Variants in MTMR1 observed in about 807,000 individuals in gnomAD.
The protein encoded by MTMR1 is phosphatidylinositol-3-phosphate phosphatase MTMR1.
Under a neutral mutation model 51.6 loss-of-function variants are expected in MTMR1, and 17 were observed. That is an observed-to-expected ratio of 0.33 (90% confidence interval 0.23 to 0.49). The LOEUF (loss-of-function observed/expected upper bound fraction) is 0.49, where lower values mean the gene tolerates loss of function less well. Among genes scored for constraint, MTMR1 ranks in the 20% least tolerant of loss-of-function variants. MTMR1 has a pLI of 0.99. For missense variants in MTMR1, 386 were observed against 526.9 expected, an observed-to-expected ratio of 0.73 and a Z score of 2.62; for synonymous variants, 201 against 205.6, an observed-to-expected ratio of 0.98 and a Z score of 0.19.
chrX:150,730,653 C>T (rs782339789), intron 8 of MTMR1, 45 bp downstream of exon 8: 14 of 817,488 alleles, frequency 1.7e-5, no homozygotes, highest in Non-Finnish European at 2.4e-5. Context: ...GGTTGAGCAT[C>T]TTTTTCTCTT....
intron 12 of MTMR1, among the ~76,000 whole-genome samples, chrX:150,738,955 G>C (rs924267249): frequency 1.8e-5 from 2 of 112,235 alleles, no homozygotes; most frequent in Admixed American, 1.9e-4. Context: ...AGCTACTTCT[G>C]GTCTGTCTAG....
chrX:150,698,682 A>G (rs1422083749), intron 1 of MTMR1, among the ~76,000 whole-genome samples: 104 of 57,218 alleles, frequency 1.8e-3, no homozygotes, highest in East Asian at 5.2e-3. Context: ...ACGCGCGCGC[A>G]CACACACACA....
rs139555371 is a variant in MTMR1 at position 150,757,223 on chromosome X, A to G, written c.1857+1358A>G. On this transcript the variant is annotated intron_variant, in intron 15 of 15. Coordinates refer to ENST00000445323, the MANE Select transcript of MTMR1 (RefSeq NM_001306144.3). ...AACCTCAAGGATACGTCACTATAGT[A>G]CCCCGGCCTGCCAGCTGGAAAGCTC... 1.9e-4 allele frequency among the ~76,000 whole-genome samples: 21 copies of G among 111,809 alleles called. No homozygotes were observed. The East Asian group carries it at 5.7e-3, about 30-fold the overall frequency.
At chrX:150,756,590 G>A (rs1209296419) in intron 15 of MTMR1, among the ~76,000 whole-genome samples, 2 of 112,095 alleles carry the variant, frequency 1.8e-5, no homozygotes, top group African/African-American at 3.2e-5. Context: ...TGGTGAAGAA[G>A]ACAGATAGAG....
chrX:150,756,340 TG>T (rs2042902774), intron 15 of MTMR1, among the ~76,000 whole-genome samples: 1 of 111,734 alleles, frequency 8.9e-6, no homozygotes, highest in South Asian at 3.7e-4. Context: ...GGGGAGAGTT[TG>T]CCCCTCCCCA....
intron 15 of MTMR1, among the ~76,000 whole-genome samples, chrX:150,761,592 T>C (rs1203078088): frequency 8.9e-6 from 1 of 112,877 alleles, no homozygotes; most frequent in Non-Finnish European, 1.9e-5. Flanking sequence ...GCCAGTCACA[T>C]GGCCTGGCTG....
intron 14 of MTMR1, among the ~76,000 whole-genome samples, chrX:150,754,406 G>C (rs2042842382): frequency 8.9e-6 from 1 of 112,867 alleles, no homozygotes; most frequent in African/African-American, 3.2e-5. Context: ...CTCATGGGAA[G>C]TCAGCAGCAG....
At chrX:150,731,855 C>A (rs1603256226) in intron 9 of MTMR1, among the ~76,000 whole-genome samples, 1 of 112,071 alleles carries the variant, frequency 8.9e-6, no homozygotes, top group African/African-American at 3.2e-5. Flanking sequence ...TTCAGTCATA[C>A]CCTCAAAAAG....
At chrX:150,731,044 T>G (rs2062041223) in intron 8 of MTMR1, among the ~76,000 whole-genome samples, 1 of 112,250 alleles carries the variant, frequency 8.9e-6, no homozygotes, top group East Asian at 2.8e-4. Context: ...AGATCTTATT[T>G]TCATGACGTT....
intron 3 of MTMR1, chrX:150,712,877 T>TGG: frequency 1.3e-6 from 1 of 767,513 alleles, no homozygotes; most frequent in African/African-American, 2.3e-5. Flanking sequence ...GTTACTATTT[T>TGG]TTAAAATACA....
intron 2 of MTMR1, among the ~76,000 whole-genome samples, chrX:150,704,178 G>A (rs1466446755): frequency 9.0e-6 from 1 of 111,497 alleles, no homozygotes; most frequent in Non-Finnish European, 1.9e-5. Context: ...TCCTGGGTTT[G>A]TTTTTGCCAC....
chrX:150,745,213 G>A (rs985546881), intron 13 of MTMR1, among the ~76,000 whole-genome samples: 5 of 112,348 alleles, frequency 4.5e-5, no homozygotes, highest in Non-Finnish European at 9.4e-5. Flanking sequence ...ACCAGAGAGA[G>A]AGGCAAAAGA....
chrX:150,735,025 GAC>G (rs2042224489), intron 10 of MTMR1, among the ~76,000 whole-genome samples: 1 of 112,204 alleles, frequency 8.9e-6, no homozygotes, highest in African/African-American at 3.2e-5. Context: ...GCCATGTAGA[GAC>G]ACAGGCACAC....
At chrX:150,708,485 TTATA>T (rs781798818) in intron 2 of MTMR1, among the ~76,000 whole-genome samples, 1 of 110,940 alleles carries the variant, frequency 9.0e-6, no homozygotes, top group East Asian at 2.8e-4. Flanking sequence ...TATATTTCAG[TTATA>T]TATATATAAC....
rs1304954005 is a variant in MTMR1, at chrX:150,764,760, T to C, written c.*2031T>C. On this transcript the variant is annotated 3_prime_UTR_variant, in exon 16 of 16. Transcript: ENST00000445323. ...AGCGCAGAACTGTTTCTAAAACAAC[T>C]TGAAGTATAGTTTTGTTATCTAAGC... 8.9e-6 allele frequency: 1 copy of C among 112,790 alleles called. No homozygotes were observed. Among genetic ancestry groups the C allele is most frequent in the Non-Finnish European group, 1.9e-5 (1 of 53,377 alleles). 9.3% of individuals were successfully genotyped at this position (112,790 alleles called of 1,213,427 possible).
At chrX:150,695,273 T>TGG (rs1181717047) in intron 1 of MTMR1, among the ~76,000 whole-genome samples, 1 of 112,034 alleles carries the variant, frequency 8.9e-6, no homozygotes, top group African/African-American at 3.3e-5. Flanking sequence ...TCAGAGGCCA[T>TGG]GGGGAGCCAC....
At chrX:150,741,345 C>T (rs979523195) in intron 12 of MTMR1, among the ~76,000 whole-genome samples, 12 of 112,342 alleles carry the variant, frequency 1.1e-4, no homozygotes, top group Middle Eastern at 4.6e-3. Flanking sequence ...TTCCCCACCA[C>T]ATTGCCACTG....
Position 150,708,933 on chromosome X carries a change from T to C in MTMR1, c.253-3409T>C, listed in dbSNP as rs182841643. Among the ~76,000 whole-genome samples the C allele has an allele frequency of 2.2e-3, 248 of 110,858 alleles. 3 individuals are homozygous for C. The highest frequency in any genetic ancestry group is 0.018 in the Middle Eastern group (4 of 217). On this transcript the variant is annotated intron_variant, in intron 2 of 15. Transcript: ENST00000445323. ...CTGGAGCTGGGATTTCACTCTGGAG[T>C]GTGTTCTTTTAACCACTATGCCGAC...
chrX:150,706,024 A>G (rs5969968), intron 2 of MTMR1, among the ~76,000 whole-genome samples: 29,895 of 110,631 alleles, frequency 0.27, 3,186 homozygotes, highest in South Asian at 0.5. Context: ...ATTTATAAAG[A>G]AAATAAATTT....
Sources: gnomAD v4.1 joint callset for allele counts (sites outside exome capture counted in the v4.1 genomes callset) on GRCh38, gnomAD v4.1.1 for gene constraint, MANE v1.5 for transcripts, NCBI Gene and HGNC (gene_info 2026-07-23, HGNC 2026-07-21) for gene names.